The following FYTTD1 variants were observed in gnomAD, a reference collection of about 807,000 sequenced individuals.
FYTTD1 encodes the protein UAP56-interacting factor.
FYTTD1 carries 22 observed loss-of-function variants against 40.9 expected under a neutral mutation model. That is an observed-to-expected ratio of 0.54 (90% confidence interval 0.38 to 0.77). The LOEUF (loss-of-function observed/expected upper bound fraction) is 0.77. Among genes scored for constraint, FYTTD1 ranks in the 30% least tolerant of loss-of-function variants. The pLI is 0.00. For missense variants in FYTTD1, 351 were observed against 392.2 expected, an observed-to-expected ratio of 0.90 and a Z score of 0.89; for synonymous variants, 140 against 137.9, an observed-to-expected ratio of 1.01 and a Z score of -0.10.
rs1407409537 is a variant in FYTTD1 at position 197,770,168 on chromosome 3, G to A, written c.421G>A (p.Ala141Thr). Residue 141 changes from alanine to threonine, a missense_variant, in exon 4 of 9, where the codon GCA (alanine) becomes ACA (threonine). Physicochemically the swap from Ala to Thr is moderately conservative, Grantham distance 58. Coordinates refer to ENST00000241502, the MANE Select transcript of FYTTD1 (RefSeq NM_032288.7). ...ATATTTTCCAGTGTTAAAAAGGAAGGCAAACCTTCTGAGACAAAATGAAGG... is the reference window on the plus strand; with the variant it reads ...ATATTTTCCAGTGTTAAAAAGGAAGACAAACCTTCTGAGACAAAATGAAGG... ...EQYFPVLKRK[A>T]NLLRQNEGQR... is the part of the protein sequence containing the mutation. The A allele has an allele frequency of 1.9e-6, 3 of 1,612,010 alleles. No individual in the cohort carries two copies. Among genetic ancestry groups the A allele is most frequent in the Non-Finnish European group, 2.5e-6 (3 of 1,178,666 alleles).
Position 197,778,378 on chromosome 3 carries a change from T to A in FYTTD1, c.772T>A (p.Phe258Ile), listed in dbSNP as rs749676176. ...PRLTRTAVPS[F>I]LTKREQSDVK... is the part of the protein sequence containing the mutation. Reference sequence around the variant, plus strand: ...ATTAACTCGTACTGCTGTACCTTCATTTTTAACAAAGCGGGAGCAAAGTGA... The same window carrying A: ...ATTAACTCGTACTGCTGTACCTTCAATTTTAACAAAGCGGGAGCAAAGTGA... The change falls in exon 8 of 9, where the codon TTT (phenylalanine) becomes ATT (isoleucine). Residue 258 changes from phenylalanine to isoleucine, a missense_variant. Transcript: ENST00000241502. The A allele has an allele frequency of 6.2e-7, 1 of 1,612,318 alleles. No individual in the cohort carries two copies. Among genetic ancestry groups the A allele is most frequent in the Non-Finnish European group, 8.5e-7 (1 of 1,178,630 alleles).
chr3:197,770,364 T>C (rs1293488750), intron 4 of FYTTD1, 120 bp downstream of exon 4: 2 of 657,402 alleles, frequency 3.0e-6, no homozygotes, highest in East Asian at 2.7e-5. Context: ...AAGACAGATA[T>C]TTGGGATGTC....
intron 3 of FYTTD1, among the ~76,000 whole-genome samples, chr3:197,769,736 A>G (rs1189442194): frequency 6.6e-6 from 1 of 152,182 alleles, no homozygotes; most frequent in Non-Finnish European, 1.5e-5. Flanking sequence ...TAGTATCAAA[A>G]ATCATGTTTA....
In FYTTD1 at chr3:197,778,466, TA is replaced by T. The variant is rs755800914; in HGVS notation, c.858+9del. 6.3e-7 allele frequency: 1 copy of T among 1,590,132 alleles called. No homozygotes were observed. The highest frequency in any genetic ancestry group is 2.2e-5 in the East Asian group (1 of 44,644). On this transcript the variant is annotated splice_donor_region_variant and intron_variant, in intron 8 of 8. Transcript: ENST00000241502. ...GACATAAACAGTGTCGGAAAACAGG[TA>T]AAAAAACGTTTTCTGTATTTTCTTG...
intron 3 of FYTTD1, among the ~76,000 whole-genome samples, chr3:197,769,436 T>G: frequency 6.6e-6 from 1 of 152,226 alleles, no homozygotes; most frequent in East Asian, 1.9e-4. Flanking sequence ...ATAAAGTACT[T>G]CTCATATACT....
chr3:197,764,786 G>A (rs1729493530), intron 2 of FYTTD1, among the ~76,000 whole-genome samples: 1 of 151,004 alleles, frequency 6.6e-6, no homozygotes, highest in South Asian at 2.1e-4. Flanking sequence ...GATAAGTATG[G>A]GACCAATGTA....
chr3:197,751,787 G>C (rs1287318575), intron 1 of FYTTD1, among the ~76,000 whole-genome samples: 1 of 152,172 alleles, frequency 6.6e-6, no homozygotes, highest in Non-Finnish European at 1.5e-5. Context: ...TCATAACTCT[G>C]TGAGGATTCT....
chr3:197,773,363 A>T, intron 4 of FYTTD1, 40 bp from the exon 5 acceptor site: 1 of 1,199,860 alleles, frequency 8.3e-7, no homozygotes, highest in Non-Finnish European at 1.2e-6. Context: ...GTTTGAAAGT[A>T]GTTAAATGGC....
intron 4 of FYTTD1, 21 bp downstream of exon 4, chr3:197,770,265 A>G (rs773530651): frequency 7.1e-7 from 1 of 1,406,540 alleles, no homozygotes; most frequent in Non-Finnish European, 1.0e-6. Flanking sequence ...AAAAATAATA[A>G]TGTGTTATTT....
chr3:197,758,660 A>G (rs1729279034), intron 2 of FYTTD1, among the ~76,000 whole-genome samples: 1 of 152,246 alleles, frequency 6.6e-6, no homozygotes, highest in South Asian at 2.1e-4. Context: ...GGGGCAGCTT[A>G]GGATCTCCTA....
At position 197,785,739 on chromosome 3, in the gene FYTTD1, C is replaced by A. The variant is rs961919918; in HGVS notation, c.*3830C>A. 6.6e-6 allele frequency: 1 copy of A among 152,062 alleles called. No homozygotes were observed. The highest frequency in any genetic ancestry group is 2.4e-5 in the African/African-American group (1 of 41,414). 9.4% of individuals were successfully genotyped at this position (152,062 alleles called of 1,614,324 possible). On this transcript the variant is annotated 3_prime_UTR_variant, in exon 9 of 9. Coordinates refer to ENST00000241502, the MANE Select transcript of FYTTD1 (RefSeq NM_032288.7). ...TAAGGAGATAAGAGAAAAAATAGCT[C>A]ACTTGGCAGCACAGAAAATGAATAC...
intron 3 of FYTTD1, 83 bp from the exon 4 acceptor site, chr3:197,770,049 T>G: frequency 1.3e-6 from 1 of 789,408 alleles, no homozygotes; most frequent in Non-Finnish European, 2.1e-6. Context: ...CAATCCTTGT[T>G]CATTCTGCAT....
chr3:197,766,339 A>T (rs1729544433), intron 2 of FYTTD1, among the ~76,000 whole-genome samples: 1 of 152,070 alleles, frequency 6.6e-6, no homozygotes, highest in African/African-American at 2.4e-5. Flanking sequence ...GTTTGGATCA[A>T]GTATGGCATA....
In FYTTD1 at chr3:197,784,805, A is replaced by T. The variant is rs1324917575; in HGVS notation, c.*2896A>T. 2.0e-5 allele frequency: 3 copies of T among 152,184 alleles called. No individual in the cohort carries two copies. Among genetic ancestry groups the T allele is most frequent in the African/African-American group, 7.2e-5 (3 of 41,444 alleles). 9.4% of individuals were successfully genotyped at this position (152,184 alleles called of 1,614,324 possible). A position where few individuals can be genotyped will look rare whatever the true frequency, so the allele number is the denominator to read the frequency against. On this transcript the variant is annotated 3_prime_UTR_variant, in exon 9 of 9. Transcript: ENST00000241502. ...CACTCTGTCTTAAAAAAACAAAAAA[A>T]AAGAATCCAGTATACTTTGCAATGC...
intron 6 of FYTTD1, among the ~76,000 whole-genome samples, chr3:197,776,502 T>C (rs566631245): frequency 3.3e-5 from 5 of 150,204 alleles, no homozygotes; most frequent in African/African-American, 1.2e-4. Context: ...GGATTACAGG[T>C]GTGAGCCAGT....
At chr3:197,769,857 T>A in intron 3 of FYTTD1, among the ~76,000 whole-genome samples, 1 of 151,060 alleles carries the variant, frequency 6.6e-6, no homozygotes, top group Admixed American at 6.6e-5. Flanking sequence ...ATATTTTAAA[T>A]ATCTCTGGCT....
At chr3:197,775,782 G>A (rs1580466934) in intron 6 of FYTTD1, among the ~76,000 whole-genome samples, 2 of 152,134 alleles carry the variant, frequency 1.3e-5, no homozygotes, top group African/African-American at 4.8e-5. Flanking sequence ...AAACCATGGG[G>A]AAAGAAATAA....
chr3:197,766,846 A>G (rs1427148833), intron 2 of FYTTD1, among the ~76,000 whole-genome samples: 1 of 152,242 alleles, frequency 6.6e-6, no homozygotes, highest in Non-Finnish European at 1.5e-5. Context: ...AGGCACTACT[A>G]TAAAATTGAG....
chr3:197,773,041 A>G (rs1477591964), intron 4 of FYTTD1, among the ~76,000 whole-genome samples: 2 of 152,128 alleles, frequency 1.3e-5, no homozygotes, highest in South Asian at 2.1e-4. Flanking sequence ...AGTTTGGCCT[A>G]TGTGTGGTTT....
Sources: allele counts gnomAD v4.1 joint callset (sites outside exome capture counted in the v4.1 genomes callset), GRCh38; gene constraint gnomAD v4.1.1; transcripts MANE v1.5; gene names NCBI Gene and HGNC (gene_info 2026-07-23, HGNC 2026-07-21).